Variants in OSBPL8 observed in about 807,000 individuals in gnomAD.
OSBPL8 encodes oxysterol binding protein like 8, also known as oxysterol-binding protein-related protein 8.
OSBPL8 carries 59 observed loss-of-function variants against 125.5 expected under a neutral mutation model. That is an observed-to-expected ratio of 0.47 (90% CI 0.38 to 0.58). The LOEUF is 0.58. Ranked by LOEUF, OSBPL8 falls within the 20% of genes least tolerant of loss-of-function variation. The probability of loss-of-function intolerance (pLI) is 0.00; values close to 1 mark genes in which losing one functional copy is unlikely to be tolerated. For missense variants in OSBPL8, 758 were observed against 1,047.8 expected (o/e 0.72, Z 3.82); for synonymous variants, 330 against 338.9 (o/e 0.97, Z 0.29).
chr12:76,384,458 T>C (rs535211382), intron 14 of OSBPL8, 108 bp from the exon 15 acceptor site: 50 of 567,406 alleles, frequency 8.8e-5, no homozygotes, highest in African/African-American at 8.6e-4. Flanking sequence ...TCAAGTCTTA[T>C]AATGAGTAAG....
intron 1 of OSBPL8, among the ~76,000 whole-genome samples, chr12:76,527,846 T>C (rs1950220893): frequency 6.6e-6 from 1 of 152,212 alleles, no homozygotes. Flanking sequence ...CTTCCAAGGC[T>C]GCTCACTAGA....
At chr12:76,555,696 G>C (rs907905311) in intron 1 of OSBPL8, among the ~76,000 whole-genome samples, 5 of 152,296 alleles carry the variant, frequency 3.3e-5, no homozygotes, top group Admixed American at 1.3e-4. Context: ...CTAAGACCAA[G>C]TGATTGGCCG....
chr12:76,445,573 T>C (rs1228969666), intron 4 of OSBPL8, among the ~76,000 whole-genome samples: 1 of 152,098 alleles, frequency 6.6e-6, no homozygotes, highest in Non-Finnish European at 1.5e-5. Context: ...GAAATGATAC[T>C]TTGCAAAAAG....
chr12:76,400,609 G>T (rs1415812958), intron 6 of OSBPL8, among the ~76,000 whole-genome samples: 2 of 151,752 alleles, frequency 1.3e-5, no homozygotes, highest in Non-Finnish European at 2.9e-5. Context: ...TTCTAAAGAG[G>T]TTTAGAATTT....
At chr12:76,499,340 A>ATCTATCTATCTATCTATCTG (rs1301514310) in intron 1 of OSBPL8, among the ~76,000 whole-genome samples, 84 of 118,130 alleles carry the variant, frequency 7.1e-4, no homozygotes, top group African/African-American at 2.5e-3. Flanking sequence ...CTATCTATCT[A>ATCTATCTATCTATCTATCTG]TCTATCTATC....
chr12:76,530,433 G>T (rs911256597), intron 1 of OSBPL8, among the ~76,000 whole-genome samples: 1 of 151,936 alleles, frequency 6.6e-6, no homozygotes, highest in Admixed American at 6.6e-5. Context: ...CTTCTTGCAG[G>T]TTTCTTTGTT....
intron 1 of OSBPL8, among the ~76,000 whole-genome samples, chr12:76,517,987 A>G (rs1278210184): frequency 3.3e-5 from 5 of 152,164 alleles, no homozygotes; most frequent in African/African-American, 1.2e-4. Context: ...CATCTAAACC[A>G]TATCATTCTG....
intron 12 of OSBPL8, among the ~76,000 whole-genome samples, chr12:76,387,290 CA>C (rs1211554774): frequency 6.6e-6 from 1 of 152,072 alleles, no homozygotes; most frequent in African/African-American, 2.4e-5. Flanking sequence ...GTCCTTAGTA[CA>C]AAACACAGAA....
At chr12:76,523,717 AC>A (rs1950085577) in intron 1 of OSBPL8, among the ~76,000 whole-genome samples, 1 of 152,152 alleles carries the variant, frequency 6.6e-6, no homozygotes, top group South Asian at 2.1e-4. Context: ...CTGGAACCTG[AC>A]CATGCTGGCA....
At chr12:76,524,115 T>A (rs1487469692) in intron 1 of OSBPL8, among the ~76,000 whole-genome samples, 1 of 152,168 alleles carries the variant, frequency 6.6e-6, no homozygotes, top group African/African-American at 2.4e-5. Flanking sequence ...GGCACTAAGA[T>A]GAATGAATGA....
chr12:76,507,753 G>A (rs555680517), intron 1 of OSBPL8, among the ~76,000 whole-genome samples: 1 of 151,682 alleles, frequency 6.6e-6, no homozygotes, highest in South Asian at 2.1e-4. Context: ...GAACCCAGGA[G>A]GCAGAGGTTG....
At chr12:76,416,776 A>C (rs1006724549) in intron 4 of OSBPL8, among the ~76,000 whole-genome samples, 1 of 152,052 alleles carries the variant, frequency 6.6e-6, no homozygotes, top group African/African-American at 2.4e-5. Flanking sequence ...GATCATTAGT[A>C]CTCAATATAA....
chr12:76,528,317 C>G (rs369936952), intron 1 of OSBPL8, among the ~76,000 whole-genome samples: 1 of 126,436 alleles, frequency 7.9e-6, no homozygotes, highest in Admixed American at 9.2e-5. Flanking sequence ...ACATGCAGAA[C>G]GAGACTCCGT....
chr12:76,544,869 T>G (rs1197993040), intron 1 of OSBPL8, among the ~76,000 whole-genome samples: 4 of 152,104 alleles, frequency 2.6e-5, no homozygotes, highest in Non-Finnish European at 4.4e-5. Flanking sequence ...TAATTCCATC[T>G]GTAAAACAGT....
At chr12:76,435,905 A>G (rs1157073381) in intron 4 of OSBPL8, among the ~76,000 whole-genome samples, 1 of 152,160 alleles carries the variant, frequency 6.6e-6, no homozygotes, top group African/African-American at 2.4e-5. Flanking sequence ...CTATGCAAAT[A>G]TCATATTAGA....
At chr12:76,374,301 G>C (rs1172920802) in intron 17 of OSBPL8, among the ~76,000 whole-genome samples, 1 of 152,038 alleles carries the variant, frequency 6.6e-6, no homozygotes, top group Non-Finnish European at 1.5e-5. Flanking sequence ...AGATGGCCTT[G>C]ACAATACGTA....
chr12:76,537,825 C>G (rs542468305), intron 1 of OSBPL8: 2 of 152,298 alleles, frequency 1.3e-5, no homozygotes, highest in Non-Finnish European at 2.9e-5. Flanking sequence ...ATGAGAATCA[C>G]TTGATCCCAG....
At chr12:76,441,112 T>C (rs1872132768) in intron 4 of OSBPL8, among the ~76,000 whole-genome samples, 1 of 152,112 alleles carries the variant, frequency 6.6e-6, no homozygotes, top group South Asian at 2.1e-4. Context: ...CAATTACAAA[T>C]TAAACTCATG....
intron 4 of OSBPL8, among the ~76,000 whole-genome samples, chr12:76,435,801 G>C (rs1163382697): frequency 6.6e-6 from 1 of 152,086 alleles, no homozygotes; most frequent in African/African-American, 2.4e-5. Flanking sequence ...ACCCTAGTGG[G>C]TCTTCCTTTA....
Sources: allele counts gnomAD v4.1 joint callset (sites outside exome capture counted in the v4.1 genomes callset), GRCh38; gene constraint gnomAD v4.1.1; transcripts MANE v1.5; gene names NCBI Gene and HGNC (gene_info 2026-07-23, HGNC 2026-07-21).